The following ABCB1 variants were observed in gnomAD, a reference collection of about 807,000 sequenced individuals.
The protein encoded by ABCB1 is ATP binding cassette subfamily B member 1, also known as ATP-dependent translocase ABCB1.
In ABCB1, 69 loss-of-function variants were observed where a neutral mutation model predicts 142.0. That is an observed-to-expected ratio of 0.49 (90% CI 0.40 to 0.59). The LOEUF (loss-of-function observed/expected upper bound fraction) is 0.59. Ranked by LOEUF, ABCB1 falls within the 20% of genes least tolerant of loss-of-function variation. ABCB1 has a pLI of 0.00. For synonymous variants in ABCB1, 532 were observed against 539.2 expected, an observed-to-expected ratio of 0.99 and a Z score of 0.18; for missense variants, 1,326 against 1,554.7, an observed-to-expected ratio of 0.85 and a Z score of 2.47.
At chr7:87,641,224 A>G (rs1822421262) in intron 1 of ABCB1, among the ~76,000 whole-genome samples, 1 of 152,256 alleles carries the variant, frequency 6.6e-6, no homozygotes, top group South Asian at 2.1e-4. Context: ...TACAGTAGAA[A>G]TAGACCACAG....
chr7:87,599,415 G>A (rs1260028255), intron 2 of ABCB1, among the ~76,000 whole-genome samples: 1 of 152,198 alleles, frequency 6.6e-6, no homozygotes, highest in Non-Finnish European at 1.5e-5. Context: ...CAAACGCGAT[G>A]TTTACATAGC....
At chr7:87,605,112 G>A (rs557108634), upstream of ABCB1, among the ~76,000 whole-genome samples, 16 of 152,224 alleles carry the variant, frequency 1.1e-4, 1 homozygote, top group South Asian at 1.7e-3. Context: ...TCAAAGATCC[G>A]TTGCCATGAA....
chr7:87,514,900 C>T (rs948631709), intron 25 of ABCB1, among the ~76,000 whole-genome samples: 4 of 152,234 alleles, frequency 2.6e-5, no homozygotes, highest in Admixed American at 2.6e-4. Flanking sequence ...TGGCTTTCAT[C>T]TCACTCCTAG....
chr7:87,667,441 G>A (rs1211513746), intron 1 of ABCB1, among the ~76,000 whole-genome samples: 1 of 152,024 alleles, frequency 6.6e-6, no homozygotes, highest in African/African-American at 2.4e-5. Flanking sequence ...TGCAAACAGG[G>A]ATAGTTTAAC....
chr7:87,504,186 T>C lies in ABCB1; in HGVS notation c.*57A>G, dbSNP rs1477782756. 1.2e-6 allele frequency: 2 copies of C among 1,605,080 alleles called. No homozygotes were observed. The highest frequency in any genetic ancestry group is 1.7e-6 in the Non-Finnish European group (2 of 1,173,494). ...GTAAGTGTTTGCTTTTAACTTTGAA[T>C]AAATGTCATATCTAAACAAATATTA... On this transcript the variant is annotated 3_prime_UTR_variant, in exon 28 of 28. Coordinates refer to ENST00000622132, the MANE Select transcript of ABCB1 (RefSeq NM_001348946.2).
intron 18 of ABCB1, among the ~76,000 whole-genome samples, chr7:87,540,728 G>A (rs1816499439): frequency 6.6e-6 from 1 of 152,144 alleles, no homozygotes. Flanking sequence ...GGGATTACAG[G>A]CATAAGCCAC....
chr7:87,552,177 T>C (rs1181803480), intron 9 of ABCB1, among the ~76,000 whole-genome samples: 2 of 152,222 alleles, frequency 1.3e-5, no homozygotes, highest in Non-Finnish European at 2.9e-5. Context: ...TTTTGTTTTT[T>C]TGTTTTGTGC....
chr7:87,611,354 T>G (rs1158148408), intron 1 of ABCB1, among the ~76,000 whole-genome samples: 1 of 152,236 alleles, frequency 6.6e-6, no homozygotes, highest in East Asian at 1.9e-4. Context: ...AGGATGTTTT[T>G]CAGCCCTTGC....
intron 17 of ABCB1, among the ~76,000 whole-genome samples, chr7:87,542,075 T>C (rs1816563938): frequency 6.6e-6 from 1 of 152,128 alleles, no homozygotes; most frequent in Non-Finnish European, 1.5e-5. Context: ...AGGATAACCA[T>C]TCCTCAGGGA....
chr7:87,551,245 G>A (rs1817053896), intron 9 of ABCB1, among the ~76,000 whole-genome samples: 1 of 152,066 alleles, frequency 6.6e-6, no homozygotes, highest in Non-Finnish European at 1.5e-5. Context: ...CTGGTCTCCT[G>A]GCCTCAAGCA....
intron 1 of ABCB1, among the ~76,000 whole-genome samples, chr7:87,677,268 G>A (rs369156512): frequency 5.0e-5 from 7 of 140,514 alleles, no homozygotes; most frequent in African/African-American, 1.9e-4. Context: ...AAACTACAGT[G>A]TATATAACAC....
At chr7:87,518,605 G>A (rs1815352621) in intron 23 of ABCB1, among the ~76,000 whole-genome samples, 1 of 152,082 alleles carries the variant, frequency 6.6e-6, no homozygotes. Flanking sequence ...TATACTGCCA[G>A]GCTTATATGA....
At chr7:87,676,799 T>G (rs1585073096) in intron 1 of ABCB1, among the ~76,000 whole-genome samples, 1 of 151,338 alleles carries the variant, frequency 6.6e-6, no homozygotes, top group East Asian at 1.9e-4. Context: ...TCACTCATAT[T>G]CCCTTCCACT....
In ABCB1 at chr7:87,699,099, C is replaced by T. The variant is rs28381728; in HGVS notation, c.-331+14062G>A. Among the ~76,000 whole-genome samples the T allele has an allele frequency of 7.8e-3, 1,188 of 152,212 alleles. 20 individuals are homozygous for T. Among genetic ancestry groups the T allele is most frequent in the African/African-American group, 0.027 (1,126 of 41,522 alleles). On this transcript the variant is annotated intron_variant, in intron 1 of 28. Coordinates refer to the ABCB1 transcript ENST00000265724. ...ACTAATGTTCTGCCATGGTTTGGAA[C>T]CACTCAGATATTATCTCAGACATTG...
In ABCB1 at chr7:87,504,313, T is replaced by G; in HGVS notation, c.3773A>C (p.Gln1258Pro). The G allele has an allele frequency of 6.2e-7, 1 of 1,614,096 alleles. No homozygotes were observed. The highest frequency in any genetic ancestry group is 1.1e-5 in the South Asian group (1 of 91,082). ...NGRVKEHGTH[Q>P]QLLAQKGIYF... ...GATGCCTTTCTGTGCCAGCAGCTGC[T>G]GATGCGTGCCATGCTCCTTGACTCT... Residue 1258 changes from glutamine to proline, a missense_variant, in exon 28 of 28, where the codon CAG becomes CCG. Coordinates refer to ENST00000622132, the MANE Select transcript of ABCB1 (RefSeq NM_001348946.2).
At chr7:87,560,639 T>C (rs1161519657) in intron 8 of ABCB1, among the ~76,000 whole-genome samples, 1 of 152,216 alleles carries the variant, frequency 6.6e-6, no homozygotes, top group African/African-American at 2.4e-5. Context: ...TGAAGTGTTA[T>C]AGCATCAGAA....
intron 17 of ABCB1, among the ~76,000 whole-genome samples, chr7:87,542,819 C>T (rs1486477381): frequency 6.6e-6 from 1 of 152,136 alleles, no homozygotes; most frequent in African/African-American, 2.4e-5. Context: ...TTCCACATTG[C>T]TGTTGTGTAC....
intron 1 of ABCB1, among the ~76,000 whole-genome samples, chr7:87,680,214 T>G (rs1233511550): frequency 6.6e-6 from 1 of 150,472 alleles, no homozygotes; most frequent in African/African-American, 2.5e-5. Flanking sequence ...CCTCATCCCT[T>G]TTTGTGGCTG....
chr7:87,611,198 C>G (rs1819838701), intron 1 of ABCB1, among the ~76,000 whole-genome samples: 2 of 152,330 alleles, frequency 1.3e-5, no homozygotes, highest in Non-Finnish European at 1.5e-5. Context: ...CTGCTTACCT[C>G]TATAGCCTCA....
Sources: gnomAD v4.1 joint callset for allele counts (sites outside exome capture counted in the v4.1 genomes callset) on GRCh38, gnomAD v4.1.1 for gene constraint, MANE v1.5 for transcripts, NCBI Gene and HGNC (gene_info 2026-07-23, HGNC 2026-07-21) for gene names.